ITPR2: variants seen among roughly 807,000 people sequenced by gnomAD.
ITPR2 encodes inositol 1,4,5-trisphosphate-gated calcium channel ITPR2.
In ITPR2, 207 loss-of-function variants were observed where a neutral mutation model predicts 317.1. That is an observed-to-expected ratio of 0.65 (90% CI 0.58 to 0.73). ITPR2 has a LOEUF of 0.73. Among genes scored for constraint, ITPR2 ranks in the 30% least tolerant of loss-of-function variants. ITPR2 has a pLI of 0.00. For missense variants in ITPR2, 2,613 were observed against 3,284.0 expected, an observed-to-expected ratio of 0.80 and a Z score of 4.99; for synonymous variants, 1,156 against 1,149.1, an observed-to-expected ratio of 1.01 and a Z score of -0.12.
At chr12:26,827,854 G>A (rs1008456377) in intron 1 of ITPR2, among the ~76,000 whole-genome samples, 1 of 152,040 alleles carries the variant, frequency 6.6e-6, no homozygotes, top group Non-Finnish European at 1.5e-5. Context: ...ATATGACAGT[G>A]GAATAAATTG....
At chr12:26,378,536 G>C (rs1025336375) in intron 55 of ITPR2, among the ~76,000 whole-genome samples, 1 of 152,210 alleles carries the variant, frequency 6.6e-6, no homozygotes, top group East Asian at 1.9e-4. Flanking sequence ...TTAAGCAGGG[G>C]TGCAGTGGTG....
At position 26,426,789 on chromosome 12, in the gene ITPR2, T is replaced by C. The variant is rs556798223; in HGVS notation, c.6945+1124A>G. Among the ~76,000 whole-genome samples, 22 of 151,836 alleles carry C rather than the reference T, an allele frequency of 1.4e-4. No individual in the cohort carries two copies. The South Asian group carries it at 2.3e-3, about 16-fold the overall frequency. On this transcript the variant is annotated intron_variant, in intron 49 of 56. Transcript: ENST00000381340. ...GCTCAGCTTTATAATTCTTGAAAGT[T>C]TGGTTGACTATTTTATTAATTCATT... is the stretch of plus-strand genomic sequence containing the variant.
chr12:26,573,545 G>T (rs944983233), intron 34 of ITPR2, among the ~76,000 whole-genome samples: 1 of 152,150 alleles, frequency 6.6e-6, no homozygotes, highest in Admixed American at 6.5e-5. Context: ...AAATGAAATG[G>T]TCTAAGATGA....
chr12:26,617,715 G>A (rs1372592155), intron 26 of ITPR2, among the ~76,000 whole-genome samples: 9 of 112,882 alleles, frequency 8.0e-5, no homozygotes, highest in Admixed American at 5.7e-4. Flanking sequence ...AAGGAAGGAG[G>A]GAAGGAGGAA....
In ITPR2 at chr12:26,682,689, T is replaced by C. The variant is rs1391952719; in HGVS notation, c.1149-16A>G. The C allele has an allele frequency of 3.3e-6, 5 of 1,528,720 alleles. No individual in the cohort carries two copies. The highest frequency in any genetic ancestry group is 2.8e-5 in the African/African-American group (2 of 72,476). 94.7% of individuals were successfully genotyped at this position (1,528,720 alleles called of 1,614,324 possible). A position where few individuals can be genotyped will look rare whatever the true frequency, so the allele number is the denominator to read the frequency against. On this transcript the variant is annotated splice_polypyrimidine_tract_variant and intron_variant, in intron 11 of 56. Coordinates refer to ENST00000381340, the MANE Select transcript of ITPR2 (RefSeq NM_002223.4). ...ATATGAGTTCCTAAAAGCAAAACAA[T>C]ATAAAAAAACAAATTATAAAAAATT...
At chr12:26,354,261 C>A (rs567171797) in intron 55 of ITPR2, among the ~76,000 whole-genome samples, 38 of 14,022 alleles carry the variant, frequency 2.7e-3, no homozygotes, top group African/African-American at 4.7e-3. Flanking sequence ...GCAACAGAGC[C>A]AGACTCCCTC....
chr12:26,417,242 C>G (rs1210798134), intron 50 of ITPR2, among the ~76,000 whole-genome samples: 1 of 152,060 alleles, frequency 6.6e-6, no homozygotes, highest in African/African-American at 2.4e-5. Flanking sequence ...AGAACCAACC[C>G]ACTAAAAACA....
chr12:26,657,769 C>T lies in ITPR2; in HGVS notation c.2130G>A (p.Arg710=). 1 of 1,614,118 alleles carries T rather than the reference C, an allele frequency of 6.2e-7. No individual in the cohort carries two copies. Among genetic ancestry groups the T allele is most frequent in the Non-Finnish European group, 8.5e-7 (1 of 1,180,016 alleles). ...CTTCTTTTGCCTCTTGAGCAAGGTG[C>T]CTGATAGCTTTGCCATGAGGTTCCT... is the stretch of plus-strand genomic sequence containing the variant. ...SNKEPHGKAI[R]HLAQEAKEGT... Residue 710 remains arginine (R), a synonymous_variant, in exon 18 of 57, where the codon AGG becomes AGA. Transcript: ENST00000381340.
chr12:26,776,612 C>G (rs1179563293), intron 2 of ITPR2, among the ~76,000 whole-genome samples: 1 of 152,198 alleles, frequency 6.6e-6, no homozygotes, highest in Non-Finnish European at 1.5e-5. Flanking sequence ...CCTGATGAAG[C>G]TGGGGACACT....
chr12:26,356,871 TG>T (rs1250955577), intron 55 of ITPR2, among the ~76,000 whole-genome samples: 2 of 152,200 alleles, frequency 1.3e-5, no homozygotes, highest in Non-Finnish European at 2.9e-5. Context: ...TTTCTATTTT[TG>T]AAACATTTCA....
chr12:26,542,032 T>C (rs370810795), intron 37 of ITPR2, among the ~76,000 whole-genome samples: 32 of 152,362 alleles, frequency 2.1e-4, no homozygotes, highest in African/African-American at 6.5e-4. Context: ...CTACCCAACC[T>C]GGGCATTTGT....
chr12:26,506,769 T>C (rs1157670621), intron 37 of ITPR2, among the ~76,000 whole-genome samples: 2 of 152,134 alleles, frequency 1.3e-5, no homozygotes, highest in Non-Finnish European at 2.9e-5. Context: ...ACAATATGTC[T>C]ACTGCAATAG....
At position 26,832,746 on chromosome 12, in the gene ITPR2, C is replaced by T; in HGVS notation, c.36G>A (p.Gly12=). The T allele has an allele frequency of 6.2e-7, 1 of 1,603,000 alleles. No individual in the cohort carries two copies. The highest frequency in any genetic ancestry group is 1.1e-5 in the South Asian group (1 of 89,708). Residue 12 remains glycine, a synonymous_variant, in exon 1 of 57, where the codon GGG becomes GGA. Transcript: ENST00000381340. ...CCTCCGCGTACAGGGACACGATGTC[C>T]CCTATGTAGAGGAAGCTGGACATTT... is the stretch of plus-strand genomic sequence containing the variant. ...TEKMSSFLYI[G]DIVSLYAEGS...
At chr12:26,698,787 T>C (rs1948394818) in intron 9 of ITPR2, among the ~76,000 whole-genome samples, 1 of 152,154 alleles carries the variant, frequency 6.6e-6, no homozygotes, top group Non-Finnish European at 1.5e-5. Context: ...CAAAACGGGA[T>C]TTAATCCTGC....
At chr12:26,442,877 G>A (rs1592028158) in intron 46 of ITPR2, among the ~76,000 whole-genome samples, 1 of 152,088 alleles carries the variant, frequency 6.6e-6, no homozygotes, top group Non-Finnish European at 1.5e-5. Flanking sequence ...AGTGACAAGC[G>A]TCAACTACTC....
At chr12:26,807,404 A>G (rs1950657734) in intron 1 of ITPR2, among the ~76,000 whole-genome samples, 1 of 152,188 alleles carries the variant, frequency 6.6e-6, no homozygotes, top group Non-Finnish European at 1.5e-5. Flanking sequence ...ATCAACCTGC[A>G]CTGATTCTAC....
At chr12:26,447,214 G>A (rs1359479502) in intron 45 of ITPR2, among the ~76,000 whole-genome samples, 6 of 151,898 alleles carry the variant, frequency 4.0e-5, no homozygotes, top group Non-Finnish European at 8.8e-5. Context: ...GCGTTTAAGT[G>A]GACAACAACT....
At chr12:26,502,188 C>CA (rs1943086677) in intron 37 of ITPR2, among the ~76,000 whole-genome samples, 1 of 152,156 alleles carries the variant, frequency 6.6e-6, no homozygotes, top group Non-Finnish European at 1.5e-5. Context: ...AACATGAAAC[C>CA]CAACAGACCC....
chr12:26,585,568 C>A (rs988646313), intron 32 of ITPR2, among the ~76,000 whole-genome samples: 6 of 152,110 alleles, frequency 3.9e-5, no homozygotes, highest in Non-Finnish European at 8.8e-5. Flanking sequence ...CAACACCCGA[C>A]TAATTTTTGT....
Sources: gnomAD v4.1 joint callset for allele counts (sites outside exome capture counted in the v4.1 genomes callset) on GRCh38, gnomAD v4.1.1 for gene constraint, MANE v1.5 for transcripts, NCBI Gene and HGNC (gene_info 2026-07-23, HGNC 2026-07-21) for gene names.